The following AGO3 variants were observed in gnomAD, a reference collection of about 807,000 sequenced individuals.
AGO3 encodes the protein protein argonaute-3.
In AGO3, 16 loss-of-function variants were observed where a neutral mutation model predicts 105.5. The ratio of observed to expected loss-of-function variants is 0.15; its 90% CI spans 0.10 to 0.23. The LOEUF (loss-of-function observed/expected upper bound fraction) is 0.23. AGO3 is among the 10% of genes least tolerant of loss of function. The pLI is 1.00. For missense variants in AGO3, 534 were observed against 1,088.0 expected (o/e 0.49, Z 7.16); for synonymous variants, 340 against 367.3 (o/e 0.93, Z 0.85).
Position 36,061,504 on chromosome 1 carries a change from G to A in AGO3, c.*5759G>A, listed in dbSNP as rs1018479514. On this transcript the variant is annotated 3_prime_UTR_variant, in exon 19 of 19. Coordinates refer to ENST00000373191, the MANE Select transcript of AGO3 (RefSeq NM_024852.4). The stretch of plus-strand genomic sequence containing the variant: ...ATTTTAATTTGAATTAAAGATAGAA[G>A]GATGGTAAATTCAATATAGAGGGTT... 1.3e-5 allele frequency: 2 copies of A among 152,246 alleles called. No individual in the cohort carries two copies. The highest frequency in any genetic ancestry group is 1.3e-4 in the Admixed American group (2 of 15,280). 9.4% of individuals were successfully genotyped at this position (152,246 alleles called of 1,614,324 possible).
At position 36,070,439 on chromosome 1, in the gene AGO3, G is replaced by A. The variant is rs1643146825; in HGVS notation, c.*14694G>A. ...CGTGGCAGGTCCTTACATTTCAACA[G>A]GCTTATGCATTTCCATGGGGGGAAG... On this transcript the variant is annotated 3_prime_UTR_variant, in exon 19 of 19. Transcript: ENST00000373191. The A allele has an allele frequency of 6.6e-6, 1 of 152,144 alleles. No homozygotes were observed. The highest frequency in any genetic ancestry group is 1.5e-5 in the Non-Finnish European group (1 of 68,032). 9.4% of individuals were successfully genotyped at this position (152,144 alleles called of 1,614,324 possible). A position where few individuals can be genotyped will look rare whatever the true frequency, so the allele number is the denominator to read the frequency against.
Position 36,065,009 on chromosome 1 carries a change from T to A in AGO3, c.*9264T>A, listed in dbSNP as rs175595. ...TGGTGAAACCCTGTCTCTACTAAAATTACAAAAATTAGCTGGGCTTGGCGG... is the reference window on the plus strand; with the variant it reads ...TGGTGAAACCCTGTCTCTACTAAAAATACAAAAATTAGCTGGGCTTGGCGG... On this transcript the variant is annotated 3_prime_UTR_variant, in exon 19 of 19. Transcript: ENST00000373191. 0.93 allele frequency: 141,431 copies of A among 152,074 alleles called. 65,825 individuals are homozygous for A. Among genetic ancestry groups the A allele is most frequent in the East Asian group, 1 (5,152 of 5,156 alleles). 9.4% of individuals were successfully genotyped at this position (152,074 alleles called of 1,614,324 possible).
chr1:36,040,176 C>T lies in AGO3; in HGVS notation c.2038-131C>T, dbSNP rs568058030. 434 of 1,185,858 alleles carry T rather than the reference C, an allele frequency of 3.7e-4. 3 individuals carry two copies. In the South Asian group the frequency reaches 4.5e-3, roughly 12 times the overall value. 73.5% of individuals were successfully genotyped at this position (1,185,858 alleles called of 1,614,324 possible). On this transcript the variant is annotated intron_variant, in intron 15 of 18. Transcript: ENST00000373191. ...CTTGCTAAGACCATGTTCTAATAAT[C>T]GTTAAAATGGAATCTATTAGCTATA...
intron 5 of AGO3, among the ~76,000 whole-genome samples, chr1:36,002,583 C>T (rs1020069442): frequency 4.6e-5 from 7 of 151,924 alleles, no homozygotes; most frequent in Non-Finnish European, 7.4e-5. Context: ...CCACCCGCCT[C>T]GGCCTCCCAA....
intron 1 of AGO3, among the ~76,000 whole-genome samples, chr1:35,939,330 C>T (rs1646210648): frequency 6.6e-6 from 1 of 151,624 alleles, no homozygotes; most frequent in Non-Finnish European, 1.5e-5. Context: ...TTGCTTTGTG[C>T]CAAATTATTT....
chr1:36,051,768 T>C (rs1642725049), intron 17 of AGO3, among the ~76,000 whole-genome samples: 1 of 152,074 alleles, frequency 6.6e-6, no homozygotes, highest in Non-Finnish European at 1.5e-5. Context: ...ATAATAATAA[T>C]TTGATTTTAA....
At chr1:36,037,250 TGG>T (rs1642051473) in intron 14 of AGO3, among the ~76,000 whole-genome samples, 1 of 152,196 alleles carries the variant, frequency 6.6e-6, no homozygotes, top group African/African-American at 2.4e-5. Flanking sequence ...CCAGGCGCGG[TGG>T]CTCACGCCTA....
intron 3 of AGO3, among the ~76,000 whole-genome samples, chr1:35,970,687 T>C (rs1646849743): frequency 2.0e-5 from 3 of 152,092 alleles, no homozygotes; most frequent in African/African-American, 7.2e-5. Flanking sequence ...CATTTGATTC[T>C]GTTTATGATA....
At chr1:35,997,416 T>C (rs993866731) in intron 5 of AGO3, among the ~76,000 whole-genome samples, 2 of 152,198 alleles carry the variant, frequency 1.3e-5, no homozygotes, top group Non-Finnish European at 2.9e-5. Context: ...TCAGTAGAAA[T>C]TGTATTTATA....
At chr1:35,986,421 G>A (rs1647180777) in intron 5 of AGO3, among the ~76,000 whole-genome samples, 1 of 152,224 alleles carries the variant, frequency 6.6e-6, no homozygotes, top group Non-Finnish European at 1.5e-5. Flanking sequence ...AGACATCATG[G>A]CTCATGCCTA....
At chr1:35,946,007 C>G in intron 2 of AGO3, 144 bp downstream of exon 2, 1 of 847,280 alleles carries the variant, frequency 1.2e-6, no homozygotes, top group South Asian at 2.3e-5. Flanking sequence ...ACTGATTGTA[C>G]TTCAGGGGTG....
intron 1 of AGO3, among the ~76,000 whole-genome samples, chr1:35,932,539 T>C (rs1008263421): frequency 8.6e-5 from 13 of 151,672 alleles, no homozygotes; most frequent in African/African-American, 2.9e-4. Context: ...GGAGATGAGA[T>C]GGGGAGAGAG....
chr1:35,977,673 A>C (rs932666612), intron 5 of AGO3, among the ~76,000 whole-genome samples: 1 of 152,202 alleles, frequency 6.6e-6, no homozygotes, highest in South Asian at 2.1e-4. Flanking sequence ...GATTACAGGC[A>C]TGTGCCACCG....
At chr1:36,042,092 G>C (rs982216761) in intron 16 of AGO3, among the ~76,000 whole-genome samples, 3 of 151,950 alleles carry the variant, frequency 2.0e-5, no homozygotes, top group Non-Finnish European at 4.4e-5. Context: ...GTATTTTTTT[G>C]TTTTTGTTTT....
intron 3 of AGO3, among the ~76,000 whole-genome samples, chr1:35,970,466 A>G (rs1259325769): frequency 6.6e-6 from 1 of 152,144 alleles, no homozygotes; most frequent in Non-Finnish European, 1.5e-5. Context: ...TCAGTCCTAC[A>G]GTACATATAA....
chr1:36,049,300 A>G (rs1569942409), intron 17 of AGO3, among the ~76,000 whole-genome samples: 1 of 152,122 alleles, frequency 6.6e-6, no homozygotes, highest in South Asian at 2.1e-4. Flanking sequence ...CCGGTGAATC[A>G]CAAGGTCAAG....
At position 35,972,150 on chromosome 1, in the gene AGO3, G is replaced by A. The variant is rs755264603; in HGVS notation, c.439G>A (p.Glu147Lys). ...HEVLTGRTLP[E>K]PLELDKPIST... ...AGTACTGACAGGACGGACCTTGCCT[G>A]AGCCACTGGAATTAGACAAGCCAAT... Residue 147 changes from glutamate to lysine, a missense_variant, in exon 4 of 19, where the codon GAG becomes AAG. Transcript: ENST00000373191. 1.2e-6 allele frequency: 2 copies of A among 1,614,070 alleles called. No homozygotes were observed. Among genetic ancestry groups the A allele is most frequent in the Non-Finnish European group, 1.7e-6 (2 of 1,180,014 alleles).
intron 5 of AGO3, among the ~76,000 whole-genome samples, chr1:36,002,801 A>G (rs1186741036): frequency 6.9e-6 from 1 of 145,648 alleles, no homozygotes; most frequent in Admixed American, 6.9e-5. Context: ...CCACATAAAA[A>G]GTTTACGCTC....
intron 14 of AGO3, among the ~76,000 whole-genome samples, chr1:36,037,255 C>T (rs898168055): frequency 2.0e-5 from 3 of 152,270 alleles, no homozygotes; most frequent in Non-Finnish European, 2.9e-5. Context: ...CGCGGTGGCT[C>T]ACGCCTAGAA....
Sources: allele counts gnomAD v4.1 joint callset (sites outside exome capture counted in the v4.1 genomes callset), GRCh38; gene constraint gnomAD v4.1.1; transcripts MANE v1.5; gene names NCBI Gene and HGNC (gene_info 2026-07-23, HGNC 2026-07-21).